PCDH11X: variants seen among roughly 807,000 people sequenced by gnomAD.
The protein encoded by PCDH11X is protocadherin 11 X-linked, also known as protocadherin-11 X-linked.
PCDH11X carries 18 observed loss-of-function variants against 53.3 expected under a neutral mutation model. The observed-to-expected ratio is 0.34, with a 90% confidence interval of 0.23 to 0.50. The LOEUF is 0.50. Ranked by LOEUF, PCDH11X falls within the 20% of genes least tolerant of loss-of-function variation. The probability of loss-of-function intolerance (pLI) is 0.98; values close to 1 mark genes in which losing one functional copy is unlikely to be tolerated. For missense variants in PCDH11X, 570 were observed against 1,032.4 expected, an observed-to-expected ratio of 0.55 and a Z score of 6.14; for synonymous variants, 279 against 393.3, an observed-to-expected ratio of 0.71 and a Z score of 3.44.
chrX:92,560,503 T>G (rs1250600606), intron 10 of PCDH11X, among the ~76,000 whole-genome samples: 1 of 108,421 alleles, frequency 9.2e-6, no homozygotes, highest in Non-Finnish European at 1.9e-5. Context: ...GCTTTCCTTG[T>G]GTACAGACCT....
chrX:91,896,146 A>G (rs1347784819), intron 6 of PCDH11X, among the ~76,000 whole-genome samples: 2 of 108,796 alleles, frequency 1.8e-5, no homozygotes, highest in Non-Finnish European at 3.8e-5. Context: ...ATTTTTTGAG[A>G]CAGAGTCTCT....
At chrX:92,205,893 A>T (rs2066468069) in intron 7 of PCDH11X, among the ~76,000 whole-genome samples, 1 of 111,594 alleles carries the variant, frequency 9.0e-6, no homozygotes, top group Non-Finnish European at 1.9e-5. Flanking sequence ...GAGCTACTGC[A>T]CCTAGGCATA....
At chrX:92,268,121 A>G (rs191112318) in intron 8 of PCDH11X, among the ~76,000 whole-genome samples, 1 of 112,145 alleles carries the variant, frequency 8.9e-6, no homozygotes, top group Non-Finnish European at 1.9e-5. Flanking sequence ...TATATTTCTG[A>G]AGAGATACAT....
At chrX:91,898,928 A>T (rs1443055011) in intron 6 of PCDH11X, among the ~76,000 whole-genome samples, 3 of 108,805 alleles carry the variant, frequency 2.8e-5, no homozygotes. Context: ...TCTTGTGTTA[A>T]ATGGGGATGA....
chrX:92,602,557 C>G (rs1476315696), intron 10 of PCDH11X, among the ~76,000 whole-genome samples: 2 of 107,293 alleles, frequency 1.9e-5, no homozygotes, highest in African/African-American at 3.4e-5. Flanking sequence ...AGAACGGATA[C>G]CAAATGAAGC....
chrX:92,510,344 T>A (rs1320015315), intron 10 of PCDH11X, among the ~76,000 whole-genome samples: 1 of 99,943 alleles, frequency 1.0e-5, no homozygotes, highest in African/African-American at 3.5e-5. Flanking sequence ...AGAAGCACTT[T>A]AGCTGTGTCA....
chrX:92,187,997 C>T (rs749197871), intron 6 of PCDH11X, among the ~76,000 whole-genome samples: 2 of 111,558 alleles, frequency 1.8e-5, no homozygotes, highest in Non-Finnish European at 3.8e-5. Flanking sequence ...ATTGAGAAGA[C>T]TAGGAGCCGA....
intron 6 of PCDH11X, among the ~76,000 whole-genome samples, chrX:91,912,469 T>G (rs769912807): frequency 9.0e-6 from 1 of 110,602 alleles, no homozygotes; most frequent in Admixed American, 9.7e-5. Flanking sequence ...TGAAAGTTTT[T>G]ATCATGAAGT....
chrX:92,263,024 A>C (rs1296613364), intron 7 of PCDH11X, 90 bp from the exon 8 acceptor site: 79 of 1,100,184 alleles, frequency 7.2e-5, no homozygotes, highest in Non-Finnish European at 9.3e-5. Flanking sequence ...AAAAAAAAAA[A>C]AATGTATTTG....
At chrX:92,479,282 G>A (rs939868747) in intron 10 of PCDH11X, among the ~76,000 whole-genome samples, 1 of 108,451 alleles carries the variant, frequency 9.2e-6, no homozygotes, top group African/African-American at 3.4e-5. Context: ...CTCAAAGACA[G>A]CATAACAATG....
At chrX:92,429,986 A>C (rs1157769669) in intron 9 of PCDH11X, among the ~76,000 whole-genome samples, 20 of 110,041 alleles carry the variant, frequency 1.8e-4, no homozygotes, top group South Asian at 1.6e-3. Flanking sequence ...TCTGCTTTAA[A>C]TGTCATTGGA....
chrX:92,481,017 C>T (rs1435330758), intron 10 of PCDH11X, among the ~76,000 whole-genome samples: 2 of 110,602 alleles, frequency 1.8e-5, no homozygotes, highest in Admixed American at 9.6e-5. Flanking sequence ...GTGGTTTTAG[C>T]GCAAGGGCTG....
chrX:92,015,577 T>G (rs1402640990), intron 6 of PCDH11X, among the ~76,000 whole-genome samples: 1 of 112,506 alleles, frequency 8.9e-6, no homozygotes, highest in East Asian at 2.8e-4. Flanking sequence ...AAGTAGATTT[T>G]ATCTCAAGAA....
intron 6 of PCDH11X, among the ~76,000 whole-genome samples, chrX:92,148,376 C>T (rs189741575): frequency 1.3e-4 from 14 of 103,959 alleles, no homozygotes; most frequent in African/African-American, 4.2e-4. Flanking sequence ...TACAGGCATG[C>T]GCCGCCACAC....
chrX:92,191,492 T>TAA (rs2148307905), intron 6 of PCDH11X, among the ~76,000 whole-genome samples: 1 of 111,924 alleles, frequency 8.9e-6, no homozygotes, highest in South Asian at 3.7e-4. Flanking sequence ...GTAAGGGGTT[T>TAA]TAATATAATC....
chrX:92,603,366 G>C (rs1207045050), intron 10 of PCDH11X, among the ~76,000 whole-genome samples: 2 of 108,115 alleles, frequency 1.8e-5, no homozygotes, highest in African/African-American at 6.7e-5. Context: ...GAACAATTAT[G>C]AGGAAAGTGG....
chrX:92,209,982 C>A (rs907764886), intron 7 of PCDH11X, among the ~76,000 whole-genome samples: 11 of 111,390 alleles, frequency 9.9e-5, no homozygotes, highest in African/African-American at 3.3e-5. Flanking sequence ...TTAGCCACAA[C>A]TGGAGCTGGA....
At chrX:91,783,216 C>T (rs750180973) in intron 1 of PCDH11X, among the ~76,000 whole-genome samples, 81 of 111,440 alleles carry the variant, frequency 7.3e-4, no homozygotes, top group Middle Eastern at 4.6e-3. Context: ...CTTAAAGTTG[C>T]TGTGCGTCTG....
chrX:92,013,188 G>A (rs191224231), intron 6 of PCDH11X, among the ~76,000 whole-genome samples: 1,584 of 111,222 alleles, frequency 0.014, 23 homozygotes, highest in African/African-American at 0.048. Flanking sequence ...GCAAAGTCTC[G>A]GGATACAAAA....
Sources: gnomAD v4.1 joint callset for allele counts (sites outside exome capture counted in the v4.1 genomes callset) on GRCh38, gnomAD v4.1.1 for gene constraint, MANE v1.5 for transcripts, NCBI Gene and HGNC (gene_info 2026-07-23, HGNC 2026-07-21) for gene names.